The following DIP2C variants were observed in gnomAD, a reference collection of about 807,000 sequenced individuals.
The protein encoded by DIP2C is disco-interacting protein 2 homolog C.
DIP2C carries 33 observed loss-of-function variants against 192.4 expected under a neutral mutation model. The observed-to-expected ratio is 0.17, with a 90% CI of 0.13 to 0.23. DIP2C has a LOEUF of 0.23. Among genes scored for constraint, DIP2C ranks in the 10% least tolerant of loss-of-function variants. The probability of loss-of-function intolerance (pLI) is 1.00; values close to 1 mark genes in which losing one functional copy is unlikely to be tolerated. For synonymous variants in DIP2C, 979 were observed against 864.1 expected (o/e 1.13, Z -2.33); for missense variants, 1,537 against 2,110.1 (o/e 0.73, Z 5.32).
chr10:469,322 T>C (rs1008054273), intron 3 of DIP2C, among the ~76,000 whole-genome samples: 22 of 150,858 alleles, frequency 1.5e-4, no homozygotes, highest in African/African-American at 4.6e-4. Context: ...CTGATTTTTT[T>C]TTTTTTTTTT....
chr10:582,348 T>TAA (rs777865254), intron 1 of DIP2C, among the ~76,000 whole-genome samples: 5 of 152,114 alleles, frequency 3.3e-5, no homozygotes, highest in Admixed American at 6.5e-5. Flanking sequence ...AGGTTCTCCG[T>TAA]AAAAACCCAC....
chr10:387,116 G>A (rs1292654272), intron 14 of DIP2C, among the ~76,000 whole-genome samples: 2 of 152,308 alleles, frequency 1.3e-5, no homozygotes, highest in Middle Eastern at 3.4e-3. Context: ...CCAGATGTAC[G>A]GGACAGTAGC....
At chr10:292,663 T>C (rs1335421673) in intron 32 of DIP2C, among the ~76,000 whole-genome samples, 4 of 152,210 alleles carry the variant, frequency 2.6e-5, no homozygotes, top group African/African-American at 9.6e-5. Flanking sequence ...GAGGTCTTCA[T>C]TCTTCATTCG....
At chr10:662,785 T>TTTGG in intron 1 of DIP2C, 1 of 708,818 alleles carries the variant, frequency 1.4e-6, no homozygotes, top group Non-Finnish European at 2.6e-6. Context: ...GCCTATTCTC[T>TTTGG]TTTAGAAGAA....
At chr10:387,470 C>A (rs1256850973) in intron 14 of DIP2C, among the ~76,000 whole-genome samples, 1 of 149,498 alleles carries the variant, frequency 6.7e-6, no homozygotes. Context: ...GGAGGGGACT[C>A]CTGTGTGGAC....
intron 2 of DIP2C, among the ~76,000 whole-genome samples, chr10:482,213 C>T (rs192921421): frequency 3.4e-4 from 52 of 152,282 alleles, no homozygotes; most frequent in African/African-American, 1.2e-3. Flanking sequence ...GCGTGGCCAT[C>T]GGGAGCCCTG....
intron 1 of DIP2C, among the ~76,000 whole-genome samples, chr10:577,823 G>GTTTT (rs35201000): frequency 6.9e-6 from 1 of 143,922 alleles, no homozygotes; most frequent in African/African-American, 2.5e-5. Flanking sequence ...GTTTTTTTGT[G>GTTTT]TTTTTTTTTT....
At chr10:511,743 G>C (rs113538116) in intron 1 of DIP2C, among the ~76,000 whole-genome samples, 4 of 152,164 alleles carry the variant, frequency 2.6e-5, no homozygotes, top group Non-Finnish European at 5.9e-5. Context: ...AGGGAGCACC[G>C]AACAGGAGCT....
At chr10:307,019 C>T (rs534507186) in intron 32 of DIP2C, among the ~76,000 whole-genome samples, 11 of 152,218 alleles carry the variant, frequency 7.2e-5, no homozygotes, top group South Asian at 4.2e-4. Flanking sequence ...TACCAGCTCC[C>T]GGGAGAGCCG....
chr10:394,508 C>T (rs1442456986), intron 10 of DIP2C, among the ~76,000 whole-genome samples: 4 of 150,664 alleles, frequency 2.7e-5, no homozygotes, highest in African/African-American at 4.9e-5. Context: ...ACACAGTGGG[C>T]GCTATTCAGC....
In DIP2C at chr10:418,197, G is replaced by C. The variant is rs373435473; in HGVS notation, c.739+868C>G. Among the ~76,000 whole-genome samples the C allele has an allele frequency of 2.0e-4, 16 of 79,562 alleles. 1 individual carries two copies. Among genetic ancestry groups the C allele is most frequent in the Middle Eastern group, 6.2e-3 (1 of 162 alleles). The allele number at this position is 79,562 out of a possible 152,430, so 52.2% of individuals were successfully genotyped here. On this transcript the variant is annotated intron_variant, in intron 6 of 36. Transcript: ENST00000280886. ...TGTCCACCTGCACCTGTCAGGGCGC[G>C]GACAGGCCTCCCTGTCCACCTGTTC...
intron 1 of DIP2C, among the ~76,000 whole-genome samples, chr10:628,137 G>T (rs1466111194): frequency 1.3e-5 from 2 of 152,182 alleles, no homozygotes; most frequent in Non-Finnish European, 2.9e-5. Context: ...CACAGAACGT[G>T]GCAGGAAAAT....
chr10:681,591 A>G (rs907170142), intron 1 of DIP2C, among the ~76,000 whole-genome samples: 1 of 149,118 alleles, frequency 6.7e-6, no homozygotes, highest in Non-Finnish European at 1.5e-5. Context: ...GGGAACACAG[A>G]CCCTTAGTCA....
At chr10:620,454 G>A (rs371887811) in intron 1 of DIP2C, among the ~76,000 whole-genome samples, 6 of 152,142 alleles carry the variant, frequency 3.9e-5, no homozygotes, top group African/African-American at 1.4e-4. Flanking sequence ...CCATTCCTAG[G>A]GGGCCTCCTG....
At position 341,673 on chromosome 10, in the gene DIP2C, C is replaced by T. The variant is rs146546478; in HGVS notation, c.3454-344G>A. On this transcript the variant is annotated intron_variant, in intron 28 of 36. Transcript: ENST00000280886. The stretch of plus-strand genomic sequence containing the variant: ...CAAGACAATAAAGCCGCATTAAATG[C>T]GTGGGGCCTGACACCCAAAGACATC... Among the ~76,000 whole-genome samples, 34 of 152,356 alleles carry T rather than the reference C, an allele frequency of 2.2e-4. 1 individual carries two copies. Among genetic ancestry groups the T allele is most frequent in the African/African-American group, 7.2e-4 (30 of 41,574 alleles).
intron 1 of DIP2C, chr10:650,193 G>A (rs1311329262): frequency 2.8e-6 from 2 of 717,420 alleles, no homozygotes; most frequent in Non-Finnish European, 5.2e-6. Context: ...TGCGGGGTGG[G>A]TGGTGCTGGG....
At chr10:659,113 C>T (rs141922305) in intron 1 of DIP2C, among the ~76,000 whole-genome samples, 14 of 152,324 alleles carry the variant, frequency 9.2e-5, no homozygotes, top group Non-Finnish European at 1.9e-4. Context: ...CATGTTCATG[C>T]ATATACATTC....
intron 22 of DIP2C, among the ~76,000 whole-genome samples, chr10:360,220 C>T (rs914235673): frequency 3.9e-5 from 6 of 152,120 alleles, no homozygotes; most frequent in African/African-American, 9.7e-5. Flanking sequence ...CCTGTTTTCC[C>T]GACTGCTCCT....
At chr10:476,193 G>C (rs1843017339) in intron 2 of DIP2C, among the ~76,000 whole-genome samples, 1 of 152,184 alleles carries the variant, frequency 6.6e-6, no homozygotes, top group Non-Finnish European at 1.5e-5. Context: ...GGAGAACAAA[G>C]AGCAAGGTCT....
Sources: allele counts gnomAD v4.1 joint callset (sites outside exome capture counted in the v4.1 genomes callset), GRCh38; gene constraint gnomAD v4.1.1; transcripts MANE v1.5; gene names NCBI Gene and HGNC (gene_info 2026-07-23, HGNC 2026-07-21).